The following PAX5 variants were observed in gnomAD, a reference collection of about 807,000 sequenced individuals.
PAX5 encodes paired box 5, also known as paired box protein Pax-5.
Under a neutral mutation model 43.7 loss-of-function variants are expected in PAX5, and 9 were observed. The ratio of observed to expected loss-of-function variants is 0.21; its 90% CI spans 0.12 to 0.36. The LOEUF (loss-of-function observed/expected upper bound fraction) is 0.36, where lower values mean the gene tolerates loss of function less well. Ranked by LOEUF, PAX5 falls within the 10% of genes least tolerant of loss-of-function variation. The pLI, the probability that PAX5 is intolerant of heterozygous loss-of-function variation, is 1.00. For missense variants in PAX5, 383 were observed against 532.7 expected (o/e 0.72, Z 2.77); for synonymous variants, 228 against 214.3 (o/e 1.06, Z -0.56).
intron 1 of PAX5, among the ~76,000 whole-genome samples, chr9:37,024,645 C>G (rs1025215501): frequency 3.9e-5 from 6 of 152,202 alleles, no homozygotes; most frequent in African/African-American, 1.4e-4. Flanking sequence ...GGGCCCAGCC[C>G]CCACTGTGCT....
intron 6 of PAX5, among the ~76,000 whole-genome samples, chr9:36,947,226 C>A (rs777926010): frequency 7.9e-5 from 12 of 152,166 alleles, no homozygotes; most frequent in Non-Finnish European, 1.8e-4. Flanking sequence ...CCTCATACTC[C>A]AACATCCAAA....
At chr9:36,867,091 C>G (rs1020445977) in intron 8 of PAX5, among the ~76,000 whole-genome samples, 2 of 151,630 alleles carry the variant, frequency 1.3e-5, no homozygotes, top group Non-Finnish European at 2.9e-5. Context: ...TCTCCTGCTT[C>G]CCAAGGCTAG....
chr9:36,925,069 G>A (rs377115615), intron 6 of PAX5, among the ~76,000 whole-genome samples: 2 of 152,072 alleles, frequency 1.3e-5, no homozygotes, highest in African/African-American at 4.8e-5. Context: ...GCCACTGGGA[G>A]GGAAACCAAA....
intron 9 of PAX5, among the ~76,000 whole-genome samples, chr9:36,841,589 A>G (rs1243946531): frequency 6.6e-6 from 1 of 152,244 alleles, no homozygotes; most frequent in Non-Finnish European, 1.5e-5. Flanking sequence ...CCCAAAAGGC[A>G]GAAGCTGGGT....
chr9:36,981,710 C>T (rs1366003547), intron 5 of PAX5, among the ~76,000 whole-genome samples: 1 of 152,252 alleles, frequency 6.6e-6, no homozygotes, highest in Non-Finnish European at 1.5e-5. Context: ...GAGGCTCTGC[C>T]TTGGAAGTGT....
intron 8 of PAX5, among the ~76,000 whole-genome samples, chr9:36,861,743 G>T (rs898674684): frequency 4.0e-5 from 6 of 151,860 alleles, no homozygotes; most frequent in Non-Finnish European, 5.9e-5. Context: ...GGAGAGGGGA[G>T]AGAAGGCCAG....
In PAX5 at chr9:37,002,829, C is replaced by T. The variant is rs555710550; in HGVS notation, c.476-53G>A. 3.0e-5 allele frequency: 47 copies of T among 1,554,478 alleles called. 2 individuals carry two copies. The South Asian group carries it at 5.3e-4, about 17-fold the overall frequency. On this transcript the variant is annotated intron_variant, in intron 4 of 9. Transcript: ENST00000358127. ...GCCGCAGAGGGCTGAGGGCGGCGGACCGGCTGTCACCGCACGTGAGGCTGG... is the reference window on the plus strand; with the variant it reads ...GCCGCAGAGGGCTGAGGGCGGCGGATCGGCTGTCACCGCACGTGAGGCTGG...
intron 6 of PAX5, among the ~76,000 whole-genome samples, chr9:36,964,199 C>T (rs1458830485): frequency 1.3e-5 from 2 of 150,558 alleles, no homozygotes; most frequent in African/African-American, 2.4e-5. Context: ...GAGAAAGGCG[C>T]GAACCCGGGA....
Position 36,872,116 on chromosome 9 carries a change from C to T in PAX5, c.1012+9888G>A, listed in dbSNP as rs961779677. Among the ~76,000 whole-genome samples, 3 of 152,244 alleles carry T rather than the reference C, an allele frequency of 2.0e-5. No homozygotes were observed. In the East Asian group the frequency reaches 5.8e-4, roughly 29 times the overall value. On this transcript the variant is annotated intron_variant, in intron 8 of 9. Coordinates refer to ENST00000358127, the MANE Select transcript of PAX5 (RefSeq NM_016734.3). ...CTCCCAGGTGCACAAGCCCCAAAAG[C>T]CAGCCCTGGCCTGCCCCAGCAGTTT...
At chr9:36,872,100 G>A (rs1003007360) in intron 8 of PAX5, among the ~76,000 whole-genome samples, 1 of 152,130 alleles carries the variant, frequency 6.6e-6, no homozygotes, top group Non-Finnish European at 1.5e-5. Context: ...CCTCCCAGGT[G>A]CACAAGCCCC....
intron 6 of PAX5, among the ~76,000 whole-genome samples, chr9:36,944,579 G>A (rs1832341947): frequency 6.6e-6 from 1 of 152,224 alleles, no homozygotes; most frequent in South Asian, 2.1e-4. Context: ...ACCTCACAGA[G>A]TCCATGAGAT....
chr9:36,856,297 C>A (rs1021744535), intron 8 of PAX5, among the ~76,000 whole-genome samples: 2 of 152,150 alleles, frequency 1.3e-5, no homozygotes, highest in African/African-American at 4.8e-5. Flanking sequence ...AACATGGAGA[C>A]AGCAAGGCAG....
Position 37,011,356 on chromosome 9 carries a change from A to G in PAX5, c.410+3641T>C, listed in dbSNP as rs1031523868. On this transcript the variant is annotated intron_variant, in intron 3 of 9. Transcript: ENST00000358127. ...AATATCTGAATTCTAGCTTCTCTTG[A>G]AAAATCAGAACACCCAACAATACTG... Among the ~76,000 whole-genome samples, 5 of 152,206 alleles carry G rather than the reference A, an allele frequency of 3.3e-5. No homozygotes were observed. The East Asian group carries it at 7.7e-4, about 23-fold the overall frequency.
chr9:36,988,163 C>T (rs1170263622), intron 5 of PAX5, among the ~76,000 whole-genome samples: 9 of 152,150 alleles, frequency 5.9e-5, no homozygotes, highest in Non-Finnish European at 1.3e-4. Context: ...CGCAAGGCCA[C>T]GGCTGAGTCA....
chr9:36,834,214 C>G lies in PAX5; in HGVS notation c.*6346G>C. ...GAAGTGGGGCCCAGGCAACGCCAGG[C>G]CCTCACTGCCCGCCACCCTCTGTTG... On this transcript the variant is annotated 3_prime_UTR_variant, in exon 10 of 10. Coordinates refer to ENST00000358127, the MANE Select transcript of PAX5 (RefSeq NM_016734.3). 1 of 233,312 alleles carries G rather than the reference C, an allele frequency of 4.3e-6. No individual in the cohort carries two copies. 14.5% of individuals were successfully genotyped at this position (233,312 alleles called of 1,614,324 possible).
At chr9:36,933,286 G>A (rs1398044924) in intron 6 of PAX5, among the ~76,000 whole-genome samples, 1 of 152,150 alleles carries the variant, frequency 6.6e-6, no homozygotes, top group Non-Finnish European at 1.5e-5. Flanking sequence ...ACGAGAGAAC[G>A]CAAGAAGCCA....
chr9:37,032,256 C>T (rs762340579), intron 1 of PAX5, among the ~76,000 whole-genome samples: 1 of 152,064 alleles, frequency 6.6e-6, no homozygotes, highest in South Asian at 2.1e-4. Flanking sequence ...AAGAGCCCAT[C>T]GACCGCCATG....
At chr9:37,028,000 C>G (rs1465282311) in intron 1 of PAX5, among the ~76,000 whole-genome samples, 1 of 152,228 alleles carries the variant, frequency 6.6e-6, no homozygotes, top group Non-Finnish European at 1.5e-5. Context: ...TGGAGAGTCC[C>G]GCTGCGGGTC....
At chr9:36,938,062 G>A (rs1358970415) in intron 6 of PAX5, among the ~76,000 whole-genome samples, 1 of 152,194 alleles carries the variant, frequency 6.6e-6, no homozygotes, top group Non-Finnish European at 1.5e-5. Context: ...TAGCTATGAT[G>A]TGTAAGCCCA....
Sources: allele counts gnomAD v4.1 joint callset (sites outside exome capture counted in the v4.1 genomes callset), GRCh38; gene constraint gnomAD v4.1.1; transcripts MANE v1.5; gene names NCBI Gene and HGNC (gene_info 2026-07-23, HGNC 2026-07-21).